ATIC: variants seen among roughly 807,000 people sequenced by gnomAD.
ATIC encodes bifunctional purine biosynthesis protein ATIC.
In ATIC, 64 loss-of-function variants were observed where a neutral mutation model predicts 72.5. The observed-to-expected ratio is 0.88, with a 90% CI of 0.72 to 1.09. ATIC has a LOEUF of 1.09. Ranked by LOEUF, ATIC falls within the 50% of genes least tolerant of loss-of-function variation. ATIC has a pLI of 0.00. For missense variants in ATIC, 787 were observed against 732.4 expected (o/e 1.07, Z -0.86); for synonymous variants, 281 against 267.1 (o/e 1.05, Z -0.51).
At chr2:215,364,843 T>G in the ATIC span, 38 of 1,411,506 alleles carry the variant, frequency 2.7e-5, no homozygotes, top group Non-Finnish European at 3.5e-5. Flanking sequence ...CTTTATCTTA[T>G]CTAACTTGTA....
chr2:215,333,074 G>T (rs3821354), intron 8 of ATIC, among the ~76,000 whole-genome samples: 1 of 152,038 alleles, frequency 6.6e-6, no homozygotes, highest in Non-Finnish European at 1.5e-5. Context: ...GAGTGAGTCA[G>T]TAATGAAGTA....
intron 11 of ATIC, among the ~76,000 whole-genome samples, chr2:215,336,724 A>G (rs901771934): frequency 8.5e-5 from 13 of 152,184 alleles, no homozygotes; most frequent in Admixed American, 8.5e-4. Flanking sequence ...ACAGTCACCA[A>G]TCTTTAGCTA....
At chr2:215,366,169 C>T in the ATIC span, among the ~76,000 whole-genome samples, 1 of 151,920 alleles carries the variant, frequency 6.6e-6, no homozygotes, top group South Asian at 2.1e-4. Context: ...TATCATTTAC[C>T]ATTTTCTAGG....
rs747764194 is a variant in ATIC at position 215,318,185 on chromosome 2, G to C, written c.175G>C (p.Glu59Gln). 1 of 1,614,124 alleles carries C rather than the reference G, an allele frequency of 6.2e-7. No individual in the cohort carries two copies. Among genetic ancestry groups the C allele is most frequent in the South Asian group, 1.1e-5 (1 of 91,082 alleles). ...RDVSELTGFP[E>Q]MLGGRVKTLH... ...TGTCTCTGAGTTGACGGGATTTCCT[G>C]AAATGTTGGGGGGACGTGTGAAAAC... Residue 59 changes from glutamate to glutamine, a missense_variant, in exon 3 of 16, where the codon GAA (glutamate) becomes CAA (glutamine). Transcript: ENST00000236959.
intron 12 of ATIC, among the ~76,000 whole-genome samples, chr2:215,341,360 T>C (rs1378778040): frequency 6.6e-6 from 1 of 152,150 alleles, no homozygotes; most frequent in Admixed American, 6.5e-5. Context: ...GTCTTTTTTC[T>C]AAGGTTTGTA....
chr2:215,360,083 C>T, the ATIC span, among the ~76,000 whole-genome samples: 121 of 152,214 alleles, frequency 7.9e-4, 2 homozygotes, highest in South Asian at 0.023. Context: ...GGACCAAAGA[C>T]GCCCACTGCC....
chr2:215,317,223 T>G (rs1243478909), intron 2 of ATIC, among the ~76,000 whole-genome samples: 4 of 152,252 alleles, frequency 2.6e-5, no homozygotes, highest in Admixed American at 1.3e-4. Flanking sequence ...ATTGTGTGAT[T>G]ATTTTTTCTA....
the ATIC span, chr2:215,367,799 A>G: frequency 1.3e-6 from 2 of 1,521,092 alleles, no homozygotes; most frequent in Non-Finnish European, 1.8e-6. Flanking sequence ...TCCTTGGCAC[A>G]TGAGTGCATG....
chr2:215,364,322 C>T, the ATIC span: 2 of 32,956 alleles, frequency 6.1e-5, no homozygotes, highest in South Asian at 6.5e-4. Context: ...AAATATTTAA[C>T]AACGTTGCCA....
downstream of ATIC, among the ~76,000 whole-genome samples, chr2:215,350,959 A>C (rs10204232): frequency 0.86 from 130,842 of 152,212 alleles, 57,063 homozygotes; most frequent in East Asian, 1. Context: ...ATTTCTGGTT[A>C]AGCTAATCTT....
At chr2:215,326,745 C>A in intron 6 of ATIC, 77 bp from the exon 7 acceptor site, 1 of 1,552,740 alleles carries the variant, frequency 6.4e-7, no homozygotes, top group Non-Finnish European at 8.9e-7. Flanking sequence ...ATGTTGTTTG[C>A]TGTGGACGTA....
At chr2:215,334,335 A>G (rs943429808) in intron 9 of ATIC, among the ~76,000 whole-genome samples, 4 of 151,540 alleles carry the variant, frequency 2.6e-5, no homozygotes, top group Admixed American at 2.0e-4. Context: ...CTGGGATTAC[A>G]GGTGCGTGCC....
intron 9 of ATIC, 79 bp from the exon 10 acceptor site, chr2:215,334,840 T>C: frequency 8.7e-7 from 1 of 1,148,784 alleles, no homozygotes; most frequent in Non-Finnish European, 1.3e-6. Context: ...ATGAATTTTA[T>C]ATGACAGTGG....
At chr2:215,340,327 C>T (rs1200540932) in intron 12 of ATIC, among the ~76,000 whole-genome samples, 1 of 152,038 alleles carries the variant, frequency 6.6e-6, no homozygotes, top group Non-Finnish European at 1.5e-5. Context: ...GAAATTTGAC[C>T]GGAGTTACAC....
Position 215,347,025 on chromosome 2 carries a change from C to T in ATIC, c.1503+84C>T. On this transcript the variant is annotated intron_variant, in intron 14 of 15. Coordinates refer to ENST00000236959, the MANE Select transcript of ATIC (RefSeq NM_004044.7). Reference sequence around the variant, plus strand: ...GTAACAGATTTTAACTTCATCACCACACAGAGAAAAAGATACTTTCATTGA... The same window carrying T: ...GTAACAGATTTTAACTTCATCACCATACAGAGAAAAAGATACTTTCATTGA... The T allele has an allele frequency of 2.7e-6, 4 of 1,474,200 alleles. No individual in the cohort carries two copies. The South Asian group carries it at 4.7e-5, about 17-fold the overall frequency. 91.3% of individuals were successfully genotyped at this position (1,474,200 alleles called of 1,614,324 possible).
chr2:215,359,166 G>C, the ATIC span, among the ~76,000 whole-genome samples: 1 of 152,268 alleles, frequency 6.6e-6, no homozygotes, highest in South Asian at 2.1e-4. Context: ...TTACAGGTGT[G>C]AACCACCCTT....
intron 4 of ATIC, among the ~76,000 whole-genome samples, chr2:215,324,262 C>T (rs976930784): frequency 1.3e-5 from 2 of 152,200 alleles, no homozygotes; most frequent in African/African-American, 4.8e-5. Context: ...ATGATGTTAG[C>T]TGTGGGTTTT....
Position 215,324,833 on chromosome 2 carries a change from A to G in ATIC, c.291-408A>G, listed in dbSNP as rs567376462. Among the ~76,000 whole-genome samples, 5 of 152,338 alleles carry G rather than the reference A, an allele frequency of 3.3e-5. No individual in the cohort carries two copies. The South Asian group carries it at 1.0e-3, about 32-fold the overall frequency. ...TGCCAATCCACTGGAAAAAGAATCTAAATTCTAATGTTCTGGATAATAGTG... is the reference window on the plus strand; with the variant it reads ...TGCCAATCCACTGGAAAAAGAATCTGAATTCTAATGTTCTGGATAATAGTG... On this transcript the variant is annotated intron_variant, in intron 4 of 15. Transcript: ENST00000236959.
the ATIC span, among the ~76,000 whole-genome samples, chr2:215,366,827 A>AC: frequency 5.9e-5 from 9 of 152,296 alleles, no homozygotes; most frequent in South Asian, 4.1e-4. Context: ...ATACAAACTT[A>AC]AACGTAGTTC....
Sources: gnomAD v4.1 joint callset for allele counts (sites outside exome capture counted in the v4.1 genomes callset) on GRCh38, gnomAD v4.1.1 for gene constraint, MANE v1.5 for transcripts, NCBI Gene and HGNC (gene_info 2026-07-23, HGNC 2026-07-21) for gene names.